HDAC4: variants seen among roughly 807,000 people sequenced by gnomAD.
The protein encoded by HDAC4 is histone deacetylase 4.
A neutral mutation model predicts 135.1 loss-of-function variants in HDAC4; 16 were observed. The observed-to-expected ratio is 0.12, with a 90% CI of 0.08 to 0.18. HDAC4 has a LOEUF of 0.18. Among genes scored for constraint, HDAC4 ranks in the 10% least tolerant of loss-of-function variants. HDAC4 has a pLI of 1.00. For missense variants in HDAC4, 1,143 were observed against 1,511.8 expected (o/e 0.76, Z 4.05); for synonymous variants, 685 against 653.4 (o/e 1.05, Z -0.74).
chr2:239,269,676 C>T (rs1041637154), intron 2 of HDAC4, among the ~76,000 whole-genome samples: 2 of 152,226 alleles, frequency 1.3e-5, no homozygotes, highest in Admixed American at 6.5e-5. Context: ...AAGTACTGGT[C>T]ACCTCGTGGC....
intron 2 of HDAC4, among the ~76,000 whole-genome samples, chr2:239,280,527 T>C (rs1192180814): frequency 1.3e-5 from 2 of 152,130 alleles, no homozygotes; most frequent in Non-Finnish European, 2.9e-5. Context: ...CCCCACCTGG[T>C]CCCAAATGCT....
At position 239,233,044 on chromosome 2, in the gene HDAC4, A is replaced by T. The variant is rs72988640; in HGVS notation, c.94+3549T>A. ...GCCACGTCCACAACTGTGACATTCC[A>T]CTTATTCAAAACGCAAAGAAATAGG... is the stretch of plus-strand genomic sequence containing the variant. On this transcript the variant is annotated intron_variant, in intron 3 of 26. Coordinates refer to ENST00000543185, the MANE Select transcript of HDAC4 (RefSeq NM_001378414.1). Among the ~76,000 whole-genome samples, 1,221 of 152,386 alleles carry T rather than the reference A, an allele frequency of 8.0e-3. 7 individuals are homozygous for T. The highest frequency in any genetic ancestry group is 0.013 in the Non-Finnish European group (854 of 68,040).
At position 239,052,997 on chromosome 2, in the gene HDAC4, A is replaced by C. The variant is rs1489757863; in HGVS notation, c.*100T>G. The C allele has an allele frequency of 2.1e-6, 3 of 1,411,364 alleles. No homozygotes were observed. Among genetic ancestry groups the C allele is most frequent in the Non-Finnish European group, 3.0e-6 (3 of 995,510 alleles). The allele number at this position is 1,411,364 out of a possible 1,614,324, so 87.4% of individuals were successfully genotyped here. On this transcript the variant is annotated 3_prime_UTR_variant, in exon 27 of 27. Transcript: ENST00000543185. ...GCTGGGTGTCCCTGGGTGCTCCAAG[A>C]GAGCCCCACGGTGGGACGCAGGCGT...
At chr2:239,178,429 G>A (rs1337394090) in intron 4 of HDAC4, among the ~76,000 whole-genome samples, 1 of 151,950 alleles carries the variant, frequency 6.6e-6, no homozygotes, top group African/African-American at 2.4e-5. Context: ...AAACAAAATT[G>A]TAGAGAAGGG....
chr2:239,090,690 C>T (rs183841755), intron 17 of HDAC4, among the ~76,000 whole-genome samples: 52 of 150,974 alleles, frequency 3.4e-4, no homozygotes, highest in Middle Eastern at 3.5e-3. Context: ...GCTTACGTGA[C>T]GCTCAAAGGA....
intron 3 of HDAC4, among the ~76,000 whole-genome samples, chr2:239,227,051 G>A (rs953081277): frequency 2.6e-5 from 4 of 152,366 alleles, no homozygotes; most frequent in East Asian, 1.9e-4. Context: ...AAAGGATCTG[G>A]GTGAATAAGG....
In HDAC4 at chr2:239,192,933, C is replaced by T. The variant is rs149201897; in HGVS notation, c.95-2856G>A. On this transcript the variant is annotated intron_variant, in intron 3 of 26. Transcript: ENST00000543185. Reference sequence around the variant, plus strand: ...TAGAAAAACAAAATAGCATCAACAACGACCATGTTATTTAGAATGCTGGTG... The same window carrying T: ...TAGAAAAACAAAATAGCATCAACAATGACCATGTTATTTAGAATGCTGGTG... Among the ~76,000 whole-genome samples, 659 of 152,320 alleles carry T rather than the reference C, an allele frequency of 4.3e-3. 5 individuals are homozygous for T. The highest frequency in any genetic ancestry group is 6.9e-3 in the Non-Finnish European group (470 of 68,024).
At chr2:239,198,241 C>T (rs879492217) in intron 3 of HDAC4, among the ~76,000 whole-genome samples, 1 of 152,154 alleles carries the variant, frequency 6.6e-6, no homozygotes, top group Non-Finnish European at 1.5e-5. Flanking sequence ...TTATGTGTTG[C>T]CGAGTGTGAG....
intron 13 of HDAC4, among the ~76,000 whole-genome samples, chr2:239,113,302 A>C (rs1326319895): frequency 6.6e-6 from 1 of 152,152 alleles, no homozygotes; most frequent in Non-Finnish European, 1.5e-5. Context: ...AGAAGAAGGA[A>C]GCCCTGAGAC....
rs2033816710 is a variant in HDAC4, at chr2:239,068,502, G to A, written c.2856C>T (p.Asn952=). Residue 952 remains asparagine, a synonymous_variant, in exon 23 of 27, where the codon AAC becomes AAT. Coordinates refer to ENST00000543185, the MANE Select transcript of HDAC4 (RefSeq NM_001378414.1). This position sits in a 1 kb window ranked among gnomAD's most constrained non-coding sequence, Gnocchi z 4.4. ...EGHPTPLGGY[N]LSARCFGYLT... ...AGAACCACTTACATCTGGCGGAGAGGTTGTAGCCCCCAAGAGGGGTGGGGT... is the reference window on the plus strand; with the variant it reads ...AGAACCACTTACATCTGGCGGAGAGATTGTAGCCCCCAAGAGGGGTGGGGT... 3.1e-6 allele frequency: 5 copies of A among 1,612,964 alleles called. No individual in the cohort carries two copies. In the Admixed American group the frequency reaches 6.7e-5, roughly 21 times the overall value.
intron 2 of HDAC4, among the ~76,000 whole-genome samples, chr2:239,343,458 G>A (rs1011242321): frequency 6.6e-6 from 1 of 152,218 alleles, no homozygotes; most frequent in African/African-American, 2.4e-5. Flanking sequence ...ACCCATGCTC[G>A]TTGAAACCAA....
At chr2:239,339,968 C>T (rs1024746280) in intron 2 of HDAC4, among the ~76,000 whole-genome samples, 1 of 152,234 alleles carries the variant, frequency 6.6e-6, no homozygotes, top group African/African-American at 2.4e-5. Flanking sequence ...GAAGTGCTAG[C>T]AGCTGAGTAG....
In HDAC4 at chr2:239,146,730, C is replaced by T. The variant is rs1214779446; in HGVS notation, c.734-2016G>A. Reference sequence around the variant, plus strand: ...CTCCCCTCCCCTTCCCTCCTCTCCCCTTCCACAGGCCTCTGCTCCACGCCC... The same window carrying T: ...CTCCCCTCCCCTTCCCTCCTCTCCCTTTCCACAGGCCTCTGCTCCACGCCC... On this transcript the variant is annotated intron_variant, in intron 7 of 26. Transcript: ENST00000543185. This position sits in a 1 kb window ranked among gnomAD's most constrained non-coding sequence, Gnocchi z 4.5. Among the ~76,000 whole-genome samples the T allele has an allele frequency of 6.6e-6, 1 of 151,656 alleles. No individual in the cohort carries two copies. The highest frequency in any genetic ancestry group is 1.5e-5 in the Non-Finnish European group (1 of 67,840).
Position 239,175,229 on chromosome 2 carries a change from G to T in HDAC4, c.490+1184C>A, listed in dbSNP as rs965985980. Among the ~76,000 whole-genome samples the T allele has an allele frequency of 2.0e-5, 3 of 152,218 alleles. No homozygotes were observed. In the East Asian group the frequency reaches 5.8e-4, roughly 29 times the overall value. On this transcript the variant is annotated intron_variant, in intron 5 of 26. Transcript: ENST00000543185. ...CTGTCTGTGTCACTTAAAACAAGAA[G>T]TTGTCCATGGAAAGGATATAAACAC... is the stretch of plus-strand genomic sequence containing the variant.
In HDAC4 at chr2:239,139,849, G is replaced by T. The variant is rs1029932799; in HGVS notation, c.866-53C>A. 6.7e-7 allele frequency: 1 copy of T among 1,490,630 alleles called. No individual in the cohort carries two copies. Among genetic ancestry groups the T allele is most frequent in the Non-Finnish European group, 9.3e-7 (1 of 1,070,070 alleles). The allele number at this position is 1,490,630 out of a possible 1,614,324, so 92.3% of individuals were successfully genotyped here. The stretch of plus-strand genomic sequence containing the variant: ...TGTTACTCCATGCGGAGGGAGGGCC[G>T]TGCTGACCTGTGGCCCGAATGCCCG... On this transcript the variant is annotated intron_variant, in intron 8 of 26. Transcript: ENST00000543185. The surrounding 1 kb of genome is among the most constrained non-coding windows in gnomAD (Gnocchi z 5.3).
chr2:239,319,281 G>A (rs775635019), intron 2 of HDAC4, among the ~76,000 whole-genome samples: 6 of 152,226 alleles, frequency 3.9e-5, no homozygotes, highest in African/African-American at 1.4e-4. Flanking sequence ...GGCAGCACAC[G>A]GCCGCAGCCT....
chr2:239,155,846 G>T (rs904052023), intron 7 of HDAC4, among the ~76,000 whole-genome samples: 2 of 152,190 alleles, frequency 1.3e-5, no homozygotes, highest in Non-Finnish European at 1.5e-5. Context: ...GCCACATCTG[G>T]GATGAGGCAC....
chr2:239,059,795 G>A (rs1051689131), intron 24 of HDAC4, among the ~76,000 whole-genome samples: 3 of 151,926 alleles, frequency 2.0e-5, no homozygotes, highest in African/African-American at 7.2e-5. Flanking sequence ...CACCAGCCTG[G>A]AGCACAGCTC....
At chr2:239,120,568 A>G (rs987626998) in intron 12 of HDAC4, among the ~76,000 whole-genome samples, 1 of 132,590 alleles carries the variant, frequency 7.5e-6, no homozygotes, top group Non-Finnish European at 1.6e-5. Flanking sequence ...AATGCCAGGA[A>G]AGGGCAAGGG....
Sources: gnomAD v4.1 joint callset for allele counts (sites outside exome capture counted in the v4.1 genomes callset) on GRCh38, gnomAD v4.1.1 for gene constraint, Gnocchi (gnomAD v3.1) non-coding constraint, MANE v1.5 for transcripts, NCBI Gene and HGNC (gene_info 2026-07-23, HGNC 2026-07-21) for gene names.